VGLL4: variants seen among roughly 807,000 people sequenced by gnomAD.
VGLL4 encodes the protein vestigial like family member 4, also known as transcription cofactor vestigial-like protein 4.
VGLL4 carries 7 observed loss-of-function variants against 21.0 expected under a neutral mutation model. That is an observed-to-expected ratio of 0.33 (90% confidence interval 0.19 to 0.63). The LOEUF (loss-of-function observed/expected upper bound fraction) is 0.63, where lower values mean the gene tolerates loss of function less well. VGLL4 is among the 20% of genes least tolerant of loss of function. The pLI is 0.78. For synonymous variants in VGLL4, 222 were observed against 173.2 expected (o/e 1.28, Z -2.21); for missense variants, 394 against 425.7 (o/e 0.93, Z 0.66).
chr3:11,656,181 T>C (rs1188866589), intron 2 of VGLL4, among the ~76,000 whole-genome samples: 1 of 152,174 alleles, frequency 6.6e-6, no homozygotes, highest in African/African-American at 2.4e-5. Context: ...GGGAGAATAA[T>C]GAGAACAGGC....
chr3:11,644,563 A>T (rs550909906), upstream of VGLL4, among the ~76,000 whole-genome samples: 3 of 152,230 alleles, frequency 2.0e-5, no homozygotes, highest in South Asian at 2.1e-4. Context: ...AATTTTATTT[A>T]AAAAAACGAG....
chr3:11,637,839 CAT>C (rs535688287), intron 1 of VGLL4, among the ~76,000 whole-genome samples: 56 of 152,254 alleles, frequency 3.7e-4, no homozygotes, highest in African/African-American at 1.2e-3. Flanking sequence ...GGAAATGACA[CAT>C]GAGTTCATTA....
Position 11,558,259 on chromosome 3 carries a change from G to T in VGLL4, c.*297C>A. ...GAAAGCGCTGTGGAGTCCTGGCCCC[G>T]TCGGGGCAGCAGACCTGCATCAGAG... On this transcript the variant is annotated 3_prime_UTR_variant, in exon 5 of 5. Coordinates refer to ENST00000430365, the MANE Select transcript of VGLL4 (RefSeq NM_001128219.3). 4.2e-6 allele frequency: 2 copies of T among 480,064 alleles called. No homozygotes were observed. The highest frequency in any genetic ancestry group is 3.7e-6 in the Non-Finnish European group (1 of 270,012). 29.7% of individuals were successfully genotyped at this position (480,064 alleles called of 1,614,324 possible).
At chr3:11,574,114 G>A (rs2073957180) in intron 2 of VGLL4, among the ~76,000 whole-genome samples, 1 of 152,138 alleles carries the variant, frequency 6.6e-6, no homozygotes, top group African/African-American at 2.4e-5. Context: ...CAGGCACCAG[G>A]AACGGTGAGA....
chr3:11,596,351 C>CA (rs1160886821), intron 2 of VGLL4, among the ~76,000 whole-genome samples: 1 of 152,210 alleles, frequency 6.6e-6, no homozygotes, highest in African/African-American at 2.4e-5. Context: ...ATTATACCCT[C>CA]AGCATGGGAG....
chr3:11,676,631 G>T (rs1282570658), intron 2 of VGLL4, among the ~76,000 whole-genome samples: 3 of 151,504 alleles, frequency 2.0e-5, no homozygotes, highest in Non-Finnish European at 4.4e-5. Flanking sequence ...AAACCATTTA[G>T]AACAGTTTGA....
intron 1 of VGLL4, among the ~76,000 whole-genome samples, chr3:11,608,616 A>G (rs947575331): frequency 6.6e-6 from 1 of 152,226 alleles, no homozygotes; most frequent in African/African-American, 2.4e-5. Flanking sequence ...TCAAAGTCAA[A>G]ATAGAAAGAG....
At chr3:11,627,244 T>TCTCTCC (rs1320749841) in intron 1 of VGLL4, 15 of 133,648 alleles carry the variant, frequency 1.1e-4, no homozygotes, top group African/African-American at 4.0e-4. Context: ...TCTCTCTCTC[T>TCTCTCC]CTCTCTGTCG....
intron 1 of VGLL4, among the ~76,000 whole-genome samples, chr3:11,640,542 G>A (rs1277880299): frequency 6.6e-6 from 1 of 152,206 alleles, no homozygotes; most frequent in Non-Finnish European, 1.5e-5. Flanking sequence ...AAGGGAATTA[G>A]TTAGCTTCCA....
intron 1 of VGLL4, among the ~76,000 whole-genome samples, chr3:11,717,490 ATTTTTTTTTTTT>A (rs60921966): frequency 1.4e-5 from 1 of 72,948 alleles, no homozygotes; most frequent in East Asian, 4.6e-4. Context: ...CCCACTACAG[ATTTTTTTTTTTT>A]TTTTTTTTTT....
intron 1 of VGLL4, among the ~76,000 whole-genome samples, chr3:11,623,962 G>C (rs879755432): frequency 6.6e-6 from 1 of 151,584 alleles, no homozygotes; most frequent in Non-Finnish European, 1.5e-5. Context: ...GGCTGGTCTC[G>C]AACTCCTGGG....
At chr3:11,704,695 C>G (rs1327116495) in intron 1 of VGLL4, among the ~76,000 whole-genome samples, 2 of 152,180 alleles carry the variant, frequency 1.3e-5, no homozygotes, top group Admixed American at 6.5e-5. Context: ...AGCTAAGCAG[C>G]GTATTTTCCT....
chr3:11,618,704 G>A (rs2075210597), intron 1 of VGLL4, among the ~76,000 whole-genome samples: 1 of 152,178 alleles, frequency 6.6e-6, no homozygotes, highest in Admixed American at 6.5e-5. Context: ...AAAAGTCATA[G>A]AATTTAACCT....
chr3:11,583,888 T>TG (rs1251305995), intron 2 of VGLL4, among the ~76,000 whole-genome samples: 3 of 152,180 alleles, frequency 2.0e-5, no homozygotes, highest in Non-Finnish European at 4.4e-5. Context: ...AGGAGAGGTT[T>TG]GGGGGGATGG....
chr3:11,604,003 C>G (rs983335355), intron 1 of VGLL4, among the ~76,000 whole-genome samples: 1 of 152,180 alleles, frequency 6.6e-6, no homozygotes, highest in African/African-American at 2.4e-5. Context: ...CCAACGGATG[C>G]AGTGCTTATC....
chr3:11,596,385 T>C (rs1254888121), intron 2 of VGLL4, among the ~76,000 whole-genome samples: 1 of 152,224 alleles, frequency 6.6e-6, no homozygotes, highest in East Asian at 1.9e-4. Context: ...AAACAAATCC[T>C]GAACTCTTTT....
Position 11,565,028 on chromosome 3 carries a change from G to A in VGLL4, c.273-9C>T. On this transcript the variant is annotated splice_polypyrimidine_tract_variant and intron_variant, in intron 2 of 4. Transcript: ENST00000430365. This position sits in a 1 kb window ranked among gnomAD's most constrained non-coding sequence, Gnocchi z 4.1. ...CATTGGCAGTCTTGTTCCTGAAAAA[G>A]AGGAATGGGCATTCAGGGGGCGTTT... 6.8e-7 allele frequency: 1 copy of A among 1,474,862 alleles called. No homozygotes were observed. The highest frequency in any genetic ancestry group is 9.0e-7 in the Non-Finnish European group (1 of 1,114,546). 91.4% of individuals were successfully genotyped at this position (1,474,862 alleles called of 1,614,324 possible). A position where few individuals can be genotyped will look rare whatever the true frequency, so the allele number is the denominator to read the frequency against.
intron 2 of VGLL4, among the ~76,000 whole-genome samples, chr3:11,600,246 G>A (rs1477913065): frequency 2.0e-5 from 3 of 152,074 alleles, no homozygotes; most frequent in Admixed American, 6.5e-5. Context: ...CAAGGATACT[G>A]GGCCCAGCTA....
At chr3:11,661,691 C>G (rs920190778) in intron 2 of VGLL4, among the ~76,000 whole-genome samples, 1 of 152,060 alleles carries the variant, frequency 6.6e-6, no homozygotes, top group Non-Finnish European at 1.5e-5. Context: ...ATGCTGGTCT[C>G]CAATCCCTGA....
Sources: gnomAD v4.1 joint callset for allele counts (sites outside exome capture counted in the v4.1 genomes callset) on GRCh38, gnomAD v4.1.1 for gene constraint, Gnocchi (gnomAD v3.1) non-coding constraint, MANE v1.5 for transcripts, NCBI Gene and HGNC (gene_info 2026-07-23, HGNC 2026-07-21) for gene names.